The following GLDN variants were observed in gnomAD, a reference collection of about 807,000 sequenced individuals.
GLDN encodes the protein collomin.
In GLDN, 47 loss-of-function variants were observed where a neutral mutation model predicts 56.5. That is an observed-to-expected ratio of 0.83 (90% CI 0.66 to 1.06). The LOEUF (loss-of-function observed/expected upper bound fraction) is 1.06. Ranked by LOEUF, GLDN falls within the 50% of genes least tolerant of loss-of-function variation. The pLI is 0.00. For missense variants in GLDN, 782 were observed against 714.3 expected (o/e 1.09, Z -1.08); for synonymous variants, 332 against 278.8 (o/e 1.19, Z -1.90).
chr15:51,345,702 G>C (rs1355569350), intron 1 of GLDN, among the ~76,000 whole-genome samples: 1 of 152,190 alleles, frequency 6.6e-6, no homozygotes, highest in Admixed American at 6.5e-5. Flanking sequence ...TTAAGACAGG[G>C]ATGCCCACTA....
In GLDN at chr15:51,366,056, G is replaced by A. The variant is rs543019206; in HGVS notation, c.364-11393G>A. ...GGCAAGGATGTGAGATTAGTAAATG[G>A]ATTTACAGATGCTTCTTTTTTTATG... On this transcript the variant is annotated intron_variant, in intron 1 of 9. Coordinates refer to ENST00000335449, the MANE Select transcript of GLDN (RefSeq NM_181789.4). 3.9e-5 allele frequency among the ~76,000 whole-genome samples: 6 copies of A among 152,314 alleles called. 1 individual carries two copies. In the Middle Eastern group the frequency reaches 0.014, roughly 345 times the overall value.
chr15:51,381,254 C>G (rs1211895752), intron 2 of GLDN, among the ~76,000 whole-genome samples: 2 of 152,200 alleles, frequency 1.3e-5, no homozygotes, highest in African/African-American at 2.4e-5. Flanking sequence ...ACTTTTGAAA[C>G]CTACTGTGTA....
chr15:51,401,487 C>T, intron 8 of GLDN, 106 bp from the exon 9 acceptor site: 1 of 994,434 alleles, frequency 1.0e-6, no homozygotes, highest in East Asian at 2.4e-5. Flanking sequence ...CCTTAGGGAA[C>T]ATTTCACTCT....
chr15:51,365,267 G>A (rs1165037231), intron 1 of GLDN, among the ~76,000 whole-genome samples: 3 of 151,966 alleles, frequency 2.0e-5, no homozygotes, highest in African/African-American at 7.3e-5. Context: ...TTCATTGTAT[G>A]AGATTTTTTC....
At position 51,341,926 on chromosome 15, in the gene GLDN, C is replaced by T; in HGVS notation, c.242C>T (p.Ala81Val). 1.3e-6 allele frequency: 2 copies of T among 1,596,114 alleles called. No individual in the cohort carries two copies. The highest frequency in any genetic ancestry group is 1.7e-6 in the Non-Finnish European group (2 of 1,178,858). ...ELSRAPRGAS[A>V]PPQDPASSAR... ...AGCCGCGCGCCGCGCGGGGCGTCCGCACCACCCCAAGACCCGGCCAGCTCA... is the reference window on the plus strand; with the variant it reads ...AGCCGCGCGCCGCGCGGGGCGTCCGTACCACCCCAAGACCCGGCCAGCTCA... The change falls in exon 1 of 10, where the codon GCA (alanine) becomes GTA (valine). Residue 81 changes from alanine to valine, a missense_variant. By Grantham distance (64) the Ala-to-Val change is moderately conservative (BLOSUM62 0). Coordinates refer to ENST00000335449, the MANE Select transcript of GLDN (RefSeq NM_181789.4).
intron 4 of GLDN, among the ~76,000 whole-genome samples, chr15:51,388,691 C>T (rs1191857385): frequency 6.6e-6 from 1 of 152,192 alleles, no homozygotes; most frequent in Non-Finnish European, 1.5e-5. Flanking sequence ...GACTTGAATC[C>T]AGGTTTCTCT....
At chr15:51,355,817 C>G (rs2037170728) in intron 1 of GLDN, among the ~76,000 whole-genome samples, 1 of 151,006 alleles carries the variant, frequency 6.6e-6, no homozygotes, top group Admixed American at 6.6e-5. Context: ...GCCACCACAC[C>G]CGGCCCTACT....
At chr15:51,365,369 G>A (rs1393022782) in intron 1 of GLDN, among the ~76,000 whole-genome samples, 2 of 151,702 alleles carry the variant, frequency 1.3e-5, no homozygotes, top group Admixed American at 6.6e-5. Flanking sequence ...AATTTTTTGT[G>A]TATAATACAC....
chr15:51,369,697 C>A (rs1043162613), intron 1 of GLDN, among the ~76,000 whole-genome samples: 1 of 152,186 alleles, frequency 6.6e-6, no homozygotes, highest in Non-Finnish European at 1.5e-5. Context: ...TACCTACACA[C>A]AGAAATTGGC....
intron 9 of GLDN, among the ~76,000 whole-genome samples, chr15:51,402,480 A>C (rs1377753023): frequency 6.6e-6 from 1 of 152,246 alleles, no homozygotes; most frequent in Non-Finnish European, 1.5e-5. Flanking sequence ...GGCCTTGGAC[A>C]AGAGACAGCA....
chr15:51,382,625 C>G (rs7162840), intron 2 of GLDN, among the ~76,000 whole-genome samples: 2 of 150,390 alleles, frequency 1.3e-5, no homozygotes, highest in African/African-American at 4.9e-5. Flanking sequence ...ACTCGGGAGG[C>G]TGAGGCAGGA....
intron 1 of GLDN, among the ~76,000 whole-genome samples, chr15:51,365,146 A>T (rs1035249178): frequency 1.3e-4 from 20 of 152,246 alleles, no homozygotes; most frequent in Non-Finnish European, 2.9e-5. Flanking sequence ...TTTAAAGAGG[A>T]GAGCCCAACT....
chr15:51,399,894 G>C (rs778385964), intron 6 of GLDN, among the ~76,000 whole-genome samples: 12 of 152,196 alleles, frequency 7.9e-5, no homozygotes, highest in Non-Finnish European at 1.6e-4. Flanking sequence ...CTGAGGCCTT[G>C]AACAGGCTGG....
At chr15:51,360,713 C>T (rs1356883219) in intron 1 of GLDN, among the ~76,000 whole-genome samples, 3 of 152,190 alleles carry the variant, frequency 2.0e-5, no homozygotes, top group Admixed American at 2.0e-4. Flanking sequence ...ACTGGGGAAC[C>T]TTATTTTTCT....
intron 6 of GLDN, among the ~76,000 whole-genome samples, chr15:51,398,211 C>G (rs1029128639): frequency 2.2e-4 from 33 of 152,362 alleles, no homozygotes; most frequent in African/African-American, 7.5e-4. Flanking sequence ...TGTAAAGTCC[C>G]AGCTCTCAGG....
chr15:51,375,971 C>T (rs532737178), intron 1 of GLDN, among the ~76,000 whole-genome samples: 3 of 152,300 alleles, frequency 2.0e-5, no homozygotes, highest in East Asian at 1.9e-4. Flanking sequence ...GCAATTCCCT[C>T]GTCATCCTCT....
chr15:51,397,470 G>A lies in GLDN; in HGVS notation c.689G>A (p.Gly230Asp). The stretch of plus-strand genomic sequence containing the variant: ...TCCCTTTCTCTCTCTCTCTCTCCAG[G>A]TGCCAAAGGTGACCAAGGCCCACCC... The part of the protein sequence containing the change: ...GDVSNDVLLA[G>D]AKGDQGPPGP... Residue 230 changes from glycine (G) to aspartate (D), a missense_variant and splice_region_variant, in exon 6 of 10, where the codon GGT becomes GAT. Physicochemically the swap from Gly to Asp is moderately conservative, Grantham distance 94. Coordinates refer to ENST00000335449, the MANE Select transcript of GLDN (RefSeq NM_181789.4). 2.0e-6 allele frequency: 3 copies of A among 1,492,492 alleles called. No homozygotes were observed. Among genetic ancestry groups the A allele is most frequent in the Non-Finnish European group, 2.7e-6 (3 of 1,115,334 alleles). 92.5% of individuals were successfully genotyped at this position (1,492,492 alleles called of 1,614,324 possible).
At chr15:51,403,732 C>CT (rs1476159887) in intron 9 of GLDN, among the ~76,000 whole-genome samples, 2 of 152,104 alleles carry the variant, frequency 1.3e-5, no homozygotes, top group Non-Finnish European at 2.9e-5. Flanking sequence ...CTGTGAAACT[C>CT]TTTTTTTAAA....
intron 1 of GLDN, among the ~76,000 whole-genome samples, chr15:51,365,060 T>C (rs1339364871): frequency 6.6e-6 from 1 of 152,116 alleles, no homozygotes; most frequent in African/African-American, 2.4e-5. Context: ...GGCTCTAAAA[T>C]TGGAGAATCA....
Sources: allele counts gnomAD v4.1 joint callset (sites outside exome capture counted in the v4.1 genomes callset), GRCh38; gene constraint gnomAD v4.1.1; transcripts MANE v1.5; gene names NCBI Gene and HGNC (gene_info 2026-07-23, HGNC 2026-07-21).